The following BMPR1B variants were observed in gnomAD, a reference collection of about 807,000 sequenced individuals.
BMPR1B encodes the protein bone morphogenetic protein receptor type 1B.
In BMPR1B, 12 loss-of-function variants were observed where a neutral mutation model predicts 59.1. The observed-to-expected ratio is 0.20, with a 90% CI of 0.13 to 0.33. The LOEUF is 0.33. Among genes scored for constraint, BMPR1B ranks in the 10% least tolerant of loss-of-function variants. The probability of loss-of-function intolerance (pLI) is 1.00; values close to 1 mark genes in which losing one functional copy is unlikely to be tolerated. For missense variants in BMPR1B, 550 were observed against 610.9 expected, an observed-to-expected ratio of 0.90 and a Z score of 1.05; for synonymous variants, 237 against 207.3, an observed-to-expected ratio of 1.14 and a Z score of -1.23.
At chr4:95,071,652 G>GTATATATATATATATATATA (rs58148216) in intron 3 of BMPR1B, among the ~76,000 whole-genome samples, 72 of 84,276 alleles carry the variant, frequency 8.5e-4, no homozygotes, top group Admixed American at 3.1e-3. Flanking sequence ...GTGTGTGTGT[G>GTATATATATATATATATATA]TATATATATA....
At position 94,973,744 on chromosome 4, in the gene BMPR1B, C is replaced by T. The variant is rs75803621; in HGVS notation, c.-112-22296C>T. Among the ~76,000 whole-genome samples the T allele has an allele frequency of 3.6e-3, 543 of 152,192 alleles. 2 individuals carry two copies. The highest frequency in any genetic ancestry group is 0.012 in the African/African-American group (515 of 41,518). On this transcript the variant is annotated intron_variant, in intron 2 of 12. Coordinates refer to ENST00000515059, the MANE Select transcript of BMPR1B (RefSeq NM_001203.3). Reference sequence around the variant, plus strand: ...TTTCTGCCTAGAATTTCTCTGCCTCCGTCCCTATCAGTAACAGCATTTTCA... The same window carrying T: ...TTTCTGCCTAGAATTTCTCTGCCTCTGTCCCTATCAGTAACAGCATTTTCA...
chr4:94,923,954 T>C (rs1024017797), intron 2 of BMPR1B, among the ~76,000 whole-genome samples: 1 of 152,080 alleles, frequency 6.6e-6, no homozygotes, highest in Non-Finnish European at 1.5e-5. Flanking sequence ...TCTTGATGGG[T>C]TGCCTTTGAC....
chr4:94,979,946 G>A (rs1731171321), intron 2 of BMPR1B, among the ~76,000 whole-genome samples: 1 of 152,224 alleles, frequency 6.6e-6, no homozygotes, highest in African/African-American at 2.4e-5. Context: ...ACACTATCCA[G>A]CTAGTTTTTG....
chr4:95,032,685 A>T (rs746336563), intron 3 of BMPR1B, among the ~76,000 whole-genome samples: 2 of 152,136 alleles, frequency 1.3e-5, no homozygotes, highest in Non-Finnish European at 2.9e-5. Flanking sequence ...TCCATGTTGT[A>T]GTATGTGTCA....
intron 8 of BMPR1B, among the ~76,000 whole-genome samples, chr4:95,128,968 T>G (rs1733100855): frequency 6.6e-6 from 1 of 152,110 alleles, no homozygotes; most frequent in Non-Finnish European, 1.5e-5. Flanking sequence ...TCCCTCCATT[T>G]TTTTTTGTTC....
chr4:95,046,670 A>G (rs986194155), intron 3 of BMPR1B, among the ~76,000 whole-genome samples: 1 of 152,096 alleles, frequency 6.6e-6, no homozygotes, highest in Non-Finnish European at 1.5e-5. Context: ...TATTAGTAGT[A>G]CTCTCCATAG....
At chr4:94,773,011 T>C (rs1207527807) in intron 1 of BMPR1B, among the ~76,000 whole-genome samples, 1 of 152,190 alleles carries the variant, frequency 6.6e-6, no homozygotes, top group Non-Finnish European at 1.5e-5. Flanking sequence ...TTCTCATTTC[T>C]CAGGTCAAAT....
intron 2 of BMPR1B, among the ~76,000 whole-genome samples, chr4:94,944,469 G>A (rs1729631928): frequency 6.6e-6 from 1 of 152,116 alleles, no homozygotes; most frequent in Non-Finnish European, 1.5e-5. Flanking sequence ...AATCAATAAT[G>A]CATTATTGAT....
intron 3 of BMPR1B, among the ~76,000 whole-genome samples, chr4:95,021,613 A>C (rs540384375): frequency 1.7e-4 from 26 of 152,192 alleles, no homozygotes; most frequent in Non-Finnish European, 3.4e-4. Flanking sequence ...AAATTCACTA[A>C]GTCAGTTCTT....
chr4:95,112,821 T>C (rs906472005), intron 4 of BMPR1B, among the ~76,000 whole-genome samples: 4 of 152,080 alleles, frequency 2.6e-5, no homozygotes, highest in Non-Finnish European at 5.9e-5. Flanking sequence ...TACCAGCTTT[T>C]TCTGTTCCAT....
chr4:94,801,842 C>A (rs751191966), intron 1 of BMPR1B, among the ~76,000 whole-genome samples: 1 of 151,982 alleles, frequency 6.6e-6, no homozygotes, highest in Non-Finnish European at 1.5e-5. Context: ...ATGAAGTTTA[C>A]GATTAAATAA....
chr4:94,989,871 G>A (rs6532522), intron 2 of BMPR1B, among the ~76,000 whole-genome samples: 34,228 of 152,022 alleles, frequency 0.23, 4,881 homozygotes, highest in African/African-American at 0.41. Flanking sequence ...TTTACTAAAA[G>A]TCAAAAGTAA....
At chr4:95,056,962 C>A (rs1726975056) in intron 3 of BMPR1B, among the ~76,000 whole-genome samples, 2 of 152,092 alleles carry the variant, frequency 1.3e-5, no homozygotes, top group Non-Finnish European at 2.9e-5. Context: ...TAAATGAAAC[C>A]CCTTTGATAT....
intron 3 of BMPR1B, among the ~76,000 whole-genome samples, chr4:95,048,149 T>C (rs1726179436): frequency 6.6e-6 from 1 of 152,226 alleles, no homozygotes; most frequent in African/African-American, 2.4e-5. Flanking sequence ...TACACTGTAG[T>C]ATTCCATGGT....
At chr4:94,824,774 G>A (rs897473245) in intron 1 of BMPR1B, among the ~76,000 whole-genome samples, 4 of 151,968 alleles carry the variant, frequency 2.6e-5, no homozygotes, top group African/African-American at 7.3e-5. Flanking sequence ...GAGTAAAAAC[G>A]TTTTTATATT....
At chr4:95,091,658 A>C in intron 3 of BMPR1B, 1 of 984,540 alleles carries the variant, frequency 1.0e-6, no homozygotes, top group African/African-American at 1.7e-5. Context: ...TATATCTCAC[A>C]GAGACTGTTT....
chr4:94,833,833 G>T (rs2148926403), intron 1 of BMPR1B, among the ~76,000 whole-genome samples: 1 of 152,224 alleles, frequency 6.6e-6, no homozygotes, highest in Admixed American at 6.5e-5. Context: ...TGAATGAACT[G>T]ATCTATGCAT....
At chr4:94,898,302 T>TA in intron 2 of BMPR1B, among the ~76,000 whole-genome samples, 1 of 152,052 alleles carries the variant, frequency 6.6e-6, no homozygotes, top group Non-Finnish European at 1.5e-5. Context: ...ATTTGCTACT[T>TA]AGACTAGATA....
intron 1 of BMPR1B, among the ~76,000 whole-genome samples, chr4:94,822,491 A>T (rs983871503): frequency 6.6e-6 from 1 of 152,154 alleles, no homozygotes; most frequent in African/African-American, 2.4e-5. Context: ...TGCAAAATAG[A>T]GAATAAAGAA....
Sources: gnomAD v4.1 joint callset for allele counts (sites outside exome capture counted in the v4.1 genomes callset) on GRCh38, gnomAD v4.1.1 for gene constraint, MANE v1.5 for transcripts, NCBI Gene and HGNC (gene_info 2026-07-23, HGNC 2026-07-21) for gene names.